PCDHA2: variants seen among roughly 807,000 people sequenced by gnomAD.
PCDHA2 encodes the protein protocadherin alpha-2.
Under a neutral mutation model 66.0 loss-of-function variants are expected in PCDHA2, and 58 were observed. The ratio of observed to expected loss-of-function variants is 0.88; its 90% CI spans 0.71 to 1.09. The LOEUF (loss-of-function observed/expected upper bound fraction) is 1.09. PCDHA2 is among the 50% of genes least tolerant of loss of function. The pLI, the probability that PCDHA2 is intolerant of heterozygous loss-of-function variation, is 0.00. For missense variants in PCDHA2, 1,267 were observed against 1,242.3 expected (o/e 1.02, Z -0.30); for synonymous variants, 634 against 554.0 (o/e 1.14, Z -2.03).
At chr5:140,988,092 C>T (rs1266366711) in intron 3 of PCDHA2, among the ~76,000 whole-genome samples, 6 of 152,174 alleles carry the variant, frequency 3.9e-5, no homozygotes, top group East Asian at 1.9e-4. Flanking sequence ...AGTGCAGCCT[C>T]GGGCCTTGTT....
At chr5:140,882,385 A>G in intron 1 of PCDHA2, 1 of 1,614,234 alleles carries the variant, frequency 6.2e-7, no homozygotes, top group Non-Finnish European at 8.5e-7. Flanking sequence ...CCGAGGAAGC[A>G]AAACACGGCA....
intron 1 of PCDHA2, chr5:140,967,384 G>A (rs1422023127): frequency 2.5e-6 from 4 of 1,609,080 alleles, no homozygotes; most frequent in Non-Finnish European, 3.4e-6. Flanking sequence ...ACAGTAAAGT[G>A]CTTGAGCTGG....
At chr5:140,920,184 AAT>A (rs782376164) in intron 1 of PCDHA2, among the ~76,000 whole-genome samples, 19 of 152,348 alleles carry the variant, frequency 1.2e-4, no homozygotes, top group East Asian at 9.6e-4. Context: ...AGTGTGTAGT[AAT>A]TTGTCACAGC....
intron 1 of PCDHA2, among the ~76,000 whole-genome samples, chr5:140,943,553 CAAT>C (rs1554215748): frequency 6.6e-6 from 1 of 152,026 alleles, no homozygotes; most frequent in East Asian, 1.9e-4. Context: ...TAGACGTAGA[CAAT>C]AATCATTTTA....
intron 1 of PCDHA2, among the ~76,000 whole-genome samples, chr5:140,921,646 G>T (rs957810883): frequency 6.6e-6 from 1 of 152,124 alleles, no homozygotes; most frequent in Admixed American, 6.5e-5. Context: ...GCTATTTTAA[G>T]GGAACTTAAT....
intron 1 of PCDHA2, among the ~76,000 whole-genome samples, chr5:140,956,811 C>T (rs1349300314): frequency 6.6e-6 from 1 of 152,108 alleles, no homozygotes; most frequent in African/African-American, 2.4e-5. Context: ...TTTATTATTG[C>T]TTCAATTTGT....
At chr5:140,950,429 T>G (rs1339598073) in intron 1 of PCDHA2, among the ~76,000 whole-genome samples, 1 of 151,896 alleles carries the variant, frequency 6.6e-6, no homozygotes, top group Admixed American at 6.6e-5. Context: ...TTCTTCCACT[T>G]AAAAAAAATG....
chr5:140,847,199 C>A (rs2150397998), intron 1 of PCDHA2, among the ~76,000 whole-genome samples: 1 of 149,422 alleles, frequency 6.7e-6, no homozygotes, highest in Non-Finnish European at 1.5e-5. Context: ...AGGAATTTGG[C>A]CACTCTTTAG....
chr5:140,965,928 C>T (rs2095948805), intron 1 of PCDHA2, among the ~76,000 whole-genome samples: 1 of 152,198 alleles, frequency 6.6e-6, no homozygotes, highest in South Asian at 2.1e-4. Flanking sequence ...GGCTTGCTCC[C>T]GGAAAGAGGG....
intron 1 of PCDHA2, chr5:140,863,127 C>A: frequency 1.7e-6 from 1 of 597,490 alleles, no homozygotes; most frequent in Non-Finnish European, 3.3e-6. Context: ...CTACGCGCCA[C>A]CGCCTGCTGG....
rs921095598 is a variant in PCDHA2 at position 140,929,476 on chromosome 5, T to C, written c.2389-49473T>C. 1.0e-5 allele frequency: 13 copies of C among 1,254,174 alleles called. No individual in the cohort carries two copies. In the African/African-American group the frequency reaches 2.0e-4, roughly 19 times the overall value. 77.7% of individuals were successfully genotyped at this position (1,254,174 alleles called of 1,614,324 possible). On this transcript the variant is annotated intron_variant, in intron 1 of 3. Coordinates refer to ENST00000526136, the MANE Select transcript of PCDHA2 (RefSeq NM_018905.3). ...CTTCCTGTGCCAAGAAATCTGGAAG[T>C]ATAGAAGTATTAGAAGATTGCCCTA...
chr5:140,907,914 T>A (rs2073690399), intron 1 of PCDHA2, among the ~76,000 whole-genome samples: 4 of 152,242 alleles, frequency 2.6e-5, no homozygotes, highest in Admixed American at 1.3e-4. Context: ...TTTTGACCAC[T>A]CAGAGAGGTC....
chr5:140,924,926 T>A (rs1554202369), intron 1 of PCDHA2, among the ~76,000 whole-genome samples: 1 of 119,426 alleles, frequency 8.4e-6, no homozygotes, highest in African/African-American at 3.1e-5. Flanking sequence ...TAAAATAAAA[T>A]AAAATAAAAT....
chr5:141,003,608 C>T (rs951443168), intron 3 of PCDHA2, among the ~76,000 whole-genome samples: 3 of 152,136 alleles, frequency 2.0e-5, no homozygotes, highest in East Asian at 1.9e-4. Flanking sequence ...CCACCATTCC[C>T]GGCCCCAGAG....
intron 1 of PCDHA2, among the ~76,000 whole-genome samples, chr5:140,873,602 C>T (rs1554166789): frequency 6.6e-6 from 1 of 152,118 alleles, no homozygotes; most frequent in African/African-American, 2.4e-5. Flanking sequence ...TTAGATGTTC[C>T]TATTGGCTTA....
intron 1 of PCDHA2, chr5:140,828,882 T>C (rs1187191951): frequency 3.7e-6 from 6 of 1,614,110 alleles, no homozygotes; most frequent in Non-Finnish European, 5.1e-6. Context: ...GTTATCAGAC[T>C]GAATGCTTCT....
At chr5:140,802,411 A>G (rs1554122110) in intron 1 of PCDHA2, 1 of 1,614,042 alleles carries the variant, frequency 6.2e-7, no homozygotes, top group Non-Finnish European at 8.5e-7. Flanking sequence ...AAGAATTACT[A>G]CTCATTGGTG....
chr5:140,809,507 C>A, intron 1 of PCDHA2: 1 of 1,614,192 alleles, frequency 6.2e-7, no homozygotes, highest in Non-Finnish European at 8.5e-7. Context: ...GGCCTTCAGC[C>A]CCAGTTTACC....
intron 1 of PCDHA2, chr5:140,830,508 C>G: frequency 7.1e-7 from 1 of 1,415,164 alleles, no homozygotes; most frequent in African/African-American, 1.4e-5. Context: ...TCATAATTAA[C>G]AGTTAATTTT....
Sources: allele counts gnomAD v4.1 joint callset (sites outside exome capture counted in the v4.1 genomes callset), GRCh38; gene constraint gnomAD v4.1.1; transcripts MANE v1.5; gene names NCBI Gene and HGNC (gene_info 2026-07-23, HGNC 2026-07-21).